The following ARHGAP32 variants were observed in gnomAD, a reference collection of about 807,000 sequenced individuals.
The protein encoded by ARHGAP32 is Rho GTPase activating protein 32.
A neutral mutation model predicts 186.5 loss-of-function variants in ARHGAP32; 51 were observed. The observed-to-expected ratio is 0.27, with a 90% CI of 0.22 to 0.35. ARHGAP32 has a LOEUF of 0.35. ARHGAP32 is among the 10% of genes least tolerant of loss of function. ARHGAP32 has a pLI of 1.00. For missense variants in ARHGAP32, 2,186 were observed against 2,623.5 expected, an observed-to-expected ratio of 0.83 and a Z score of 3.64; for synonymous variants, 950 against 964.3, an observed-to-expected ratio of 0.99 and a Z score of 0.27.
chr11:129,064,758 G>A, intron 8 of ARHGAP32, 83 bp downstream of exon 8: 1 of 1,032,672 alleles, frequency 9.7e-7, no homozygotes, highest in Middle Eastern at 2.5e-4. Flanking sequence ...AAGCTCAATA[G>A]ACATCAAAAT....
intron 1 of ARHGAP32, among the ~76,000 whole-genome samples, chr11:129,270,355 G>T (rs989282169): frequency 1.2e-4 from 18 of 152,186 alleles, no homozygotes; most frequent in African/African-American, 3.9e-4. Context: ...GTTGACAGGG[G>T]CTGGGGAGAG....
At chr11:129,224,347 C>G in intron 1 of ARHGAP32, among the ~76,000 whole-genome samples, 1 of 152,044 alleles carries the variant, frequency 6.6e-6, no homozygotes, top group East Asian at 1.9e-4. Flanking sequence ...AGGAAAGGAA[C>G]CTACATTTAT....
chr11:129,020,512 G>A (rs1324961749), intron 11 of ARHGAP32, among the ~76,000 whole-genome samples: 1 of 151,932 alleles, frequency 6.6e-6, no homozygotes, highest in Non-Finnish European at 1.5e-5. Flanking sequence ...CAGTACAATG[G>A]TCACTTATAA....
At chr11:129,118,007 C>T (rs1481424431) in intron 5 of ARHGAP32, among the ~76,000 whole-genome samples, 1 of 151,864 alleles carries the variant, frequency 6.6e-6, no homozygotes, top group Non-Finnish European at 1.5e-5. Flanking sequence ...AAACAAAAAG[C>T]CCCTTCTAGT....
At chr11:129,047,638 C>T (rs1214932035) in intron 10 of ARHGAP32, among the ~76,000 whole-genome samples, 1 of 152,080 alleles carries the variant, frequency 6.6e-6, no homozygotes, top group African/African-American at 2.4e-5. Flanking sequence ...AATCACATCA[C>T]TAAGGAGATT....
At position 128,966,987 on chromosome 11, in the gene ARHGAP32, G is replaced by A. The variant is rs923865581; in HGVS notation, c.*1920C>T. On this transcript the variant is annotated 3_prime_UTR_variant, in exon 23 of 23. Coordinates refer to ENST00000682385, the MANE Select transcript of ARHGAP32 (RefSeq NM_001378024.1). ...TTCCTAGCACTTTGACTGTAAAACA[G>A]TTGGTTCTGCACTTTTAATGTAGAG... The A allele has an allele frequency of 6.6e-6, 1 of 152,212 alleles. No individual in the cohort carries two copies. The highest frequency in any genetic ancestry group is 2.4e-5 in the African/African-American group (1 of 41,444). The allele number at this position is 152,212 out of a possible 1,614,324, so 9.4% of individuals were successfully genotyped here.
At chr11:129,010,349 C>T (rs1938015728) in intron 11 of ARHGAP32, among the ~76,000 whole-genome samples, 3 of 152,014 alleles carry the variant, frequency 2.0e-5, no homozygotes, top group South Asian at 4.1e-4. Context: ...TTGGTGTTTT[C>T]GTCATGAAAT....
intron 1 of ARHGAP32, among the ~76,000 whole-genome samples, chr11:129,235,656 C>G (rs1944919415): frequency 6.6e-6 from 1 of 152,044 alleles, no homozygotes; most frequent in Admixed American, 6.6e-5. Flanking sequence ...ACCCACCACC[C>G]AAGCAATGTG....
chr11:129,033,801 C>T (rs1292397625), intron 11 of ARHGAP32, among the ~76,000 whole-genome samples: 1 of 152,020 alleles, frequency 6.6e-6, no homozygotes, highest in African/African-American at 2.4e-5. Context: ...ATTCAGATGT[C>T]CAGCTGACTC....
intron 2 of ARHGAP32, among the ~76,000 whole-genome samples, chr11:129,138,597 T>C (rs1360331481): frequency 6.6e-6 from 1 of 152,160 alleles, no homozygotes; most frequent in Admixed American, 6.5e-5. Flanking sequence ...GTGCTAATAT[T>C]GACTGGGTAA....
chr11:129,098,962 T>C (rs533909585), intron 5 of ARHGAP32, among the ~76,000 whole-genome samples: 6 of 152,126 alleles, frequency 3.9e-5, no homozygotes, highest in East Asian at 1.9e-4. Context: ...AAGATAGCTA[T>C]AGAATGTGAA....
In ARHGAP32 at chr11:129,135,088, C is replaced by T. The variant is rs185086508; in HGVS notation, c.226-10194G>A. On this transcript the variant is annotated intron_variant, in intron 2 of 22. Transcript: ENST00000682385. ...ATATATTATACATGCACATGTGCCTCATTTGCATAGATTAGAAGATACAAT... is the reference window on the plus strand; with the variant it reads ...ATATATTATACATGCACATGTGCCTTATTTGCATAGATTAGAAGATACAAT... Among the ~76,000 whole-genome samples, 18 of 152,300 alleles carry T rather than the reference C, an allele frequency of 1.2e-4. No individual in the cohort carries two copies. The East Asian group carries it at 3.5e-3, about 29-fold the overall frequency.
chr11:129,171,860 T>C (rs1943769164), intron 1 of ARHGAP32, among the ~76,000 whole-genome samples: 1 of 152,144 alleles, frequency 6.6e-6, no homozygotes, highest in South Asian at 2.1e-4. Flanking sequence ...CAGTGGTTTG[T>C]AGTTCTCCTT....
At chr11:129,021,585 A>G (rs907442142) in intron 11 of ARHGAP32, among the ~76,000 whole-genome samples, 1 of 152,048 alleles carries the variant, frequency 6.6e-6, no homozygotes. Context: ...TACATTACAC[A>G]CTTACTTTTC....
At chr11:129,243,085 T>C (rs780554480) in intron 1 of ARHGAP32, among the ~76,000 whole-genome samples, 7 of 152,118 alleles carry the variant, frequency 4.6e-5, no homozygotes, top group Non-Finnish European at 8.8e-5. Context: ...ACCCCCTACA[T>C]AGCACCAAAT....
At chr11:129,267,562 G>T (rs1035681863) in intron 1 of ARHGAP32, among the ~76,000 whole-genome samples, 1 of 152,032 alleles carries the variant, frequency 6.6e-6, no homozygotes, top group Non-Finnish European at 1.5e-5. Flanking sequence ...AAACTCAGAG[G>T]AATCTGAATT....
At chr11:128,998,122 C>A (rs1308495683) in intron 12 of ARHGAP32, among the ~76,000 whole-genome samples, 197 bp downstream of exon 12, 3 of 152,160 alleles carry the variant, frequency 2.0e-5, no homozygotes, top group Non-Finnish European at 4.4e-5. Flanking sequence ...ACACGAACAT[C>A]TCTAATGCCA....
chr11:129,008,778 A>G (rs1360248623), intron 11 of ARHGAP32, among the ~76,000 whole-genome samples: 1 of 152,240 alleles, frequency 6.6e-6, no homozygotes, highest in Non-Finnish European at 1.5e-5. Flanking sequence ...CCTCTGTTGT[A>G]TCTGAGATTC....
At chr11:129,161,357 G>C (rs1009962976) in intron 2 of ARHGAP32, among the ~76,000 whole-genome samples, 2 of 151,998 alleles carry the variant, frequency 1.3e-5, no homozygotes, top group Admixed American at 1.3e-4. Flanking sequence ...ACTATCATCA[G>C]AGTGAACAGG....
Sources: gnomAD v4.1 joint callset for allele counts (sites outside exome capture counted in the v4.1 genomes callset) on GRCh38, gnomAD v4.1.1 for gene constraint, MANE v1.5 for transcripts, NCBI Gene and HGNC (gene_info 2026-07-23, HGNC 2026-07-21) for gene names.